GRID2: variants seen among roughly 807,000 people sequenced by gnomAD.
GRID2 encodes the protein glutamate ionotropic receptor delta type subunit 2.
GRID2 carries 33 observed loss-of-function variants against 114.8 expected under a neutral mutation model. That is an observed-to-expected ratio of 0.29 (90% CI 0.22 to 0.38). The LOEUF is 0.38. Ranked by LOEUF, GRID2 falls within the 10% of genes least tolerant of loss-of-function variation. The probability of loss-of-function intolerance (pLI) is 1.00; values close to 1 mark genes in which losing one functional copy is unlikely to be tolerated. For missense variants in GRID2, 1,184 were observed against 1,257.7 expected, an observed-to-expected ratio of 0.94 and a Z score of 0.89; for synonymous variants, 505 against 449.9, an observed-to-expected ratio of 1.12 and a Z score of -1.55.
intron 11 of GRID2, among the ~76,000 whole-genome samples, chr4:93,458,161 T>G (rs966572266): frequency 6.6e-6 from 1 of 152,168 alleles, no homozygotes; most frequent in South Asian, 2.1e-4. Context: ...TGACTATAAA[T>G]GCACAAGTGA....
intron 2 of GRID2, among the ~76,000 whole-genome samples, chr4:92,939,061 A>G (rs1357147431): frequency 2.0e-5 from 3 of 146,688 alleles, no homozygotes; most frequent in Non-Finnish European, 3.0e-5. Context: ...ATGATTTATA[A>G]TCTTTTGGGG....
At chr4:93,032,028 C>G (rs1422809526) in intron 2 of GRID2, among the ~76,000 whole-genome samples, 1 of 152,022 alleles carries the variant, frequency 6.6e-6, no homozygotes, top group Non-Finnish European at 1.5e-5. Flanking sequence ...GCACCAGCAA[C>G]CTATAATTTA....
At chr4:92,587,997 T>G (rs188046209) in intron 1 of GRID2, among the ~76,000 whole-genome samples, 4 of 152,318 alleles carry the variant, frequency 2.6e-5, no homozygotes, top group Non-Finnish European at 5.9e-5. Context: ...AATAGACATT[T>G]AGATTATCTG....
At chr4:92,497,155 T>C (rs577898486) in intron 1 of GRID2, among the ~76,000 whole-genome samples, 1 of 151,952 alleles carries the variant, frequency 6.6e-6, no homozygotes, top group South Asian at 2.1e-4. Flanking sequence ...AAAAAAATCT[T>C]TGAGACTTTG....
At chr4:92,414,688 G>A (rs1292787520) in intron 1 of GRID2, among the ~76,000 whole-genome samples, 1 of 152,068 alleles carries the variant, frequency 6.6e-6, no homozygotes, top group Non-Finnish European at 1.5e-5. Flanking sequence ...GATGTTGCCA[G>A]CAGTCATTTT....
At chr4:92,664,255 A>G (rs1023866136) in intron 2 of GRID2, among the ~76,000 whole-genome samples, 1 of 151,242 alleles carries the variant, frequency 6.6e-6, no homozygotes, top group African/African-American at 2.4e-5. Flanking sequence ...GTTTTGCTGC[A>G]TCCCATAGGT....
chr4:93,500,202 T>A (rs1440481133), intron 12 of GRID2, among the ~76,000 whole-genome samples: 1 of 152,018 alleles, frequency 6.6e-6, no homozygotes, highest in Non-Finnish European at 1.5e-5. Context: ...AATGACCTTG[T>A]CAGGATTCCA....
intron 13 of GRID2, among the ~76,000 whole-genome samples, chr4:93,557,450 A>G (rs910932619): frequency 1.3e-5 from 2 of 152,170 alleles, no homozygotes; most frequent in African/African-American, 4.8e-5. Flanking sequence ...GGTCTCTGAT[A>G]TTAAGAGACT....
At chr4:92,408,061 T>G (rs1231693029) in intron 1 of GRID2, among the ~76,000 whole-genome samples, 2 of 152,218 alleles carry the variant, frequency 1.3e-5, no homozygotes, top group African/African-American at 4.8e-5. Flanking sequence ...TGTCATAGTT[T>G]CAAGTCTTAC....
At chr4:93,747,351 A>G (rs1731929288) in intron 14 of GRID2, among the ~76,000 whole-genome samples, 1 of 152,260 alleles carries the variant, frequency 6.6e-6, no homozygotes, top group East Asian at 1.9e-4. Flanking sequence ...TAGACTCTAC[A>G]GATAACTCTC....
intron 1 of GRID2, among the ~76,000 whole-genome samples, chr4:92,520,928 A>G (rs1409485055): frequency 1.3e-5 from 2 of 151,968 alleles, no homozygotes; most frequent in Non-Finnish European, 2.9e-5. Flanking sequence ...TCACTAGAGG[A>G]AATAGTGAAT....
chr4:92,826,667 C>G (rs1292633348), intron 2 of GRID2, among the ~76,000 whole-genome samples: 1 of 152,064 alleles, frequency 6.6e-6, no homozygotes, highest in African/African-American at 2.4e-5. Context: ...TTACATTATT[C>G]TAGCTTTGAA....
chr4:92,686,800 A>G lies in GRID2; in HGVS notation c.244+96514A>G, dbSNP rs2149289193. ...GGATACTAATTGTGATATGAAAGACAAGTCCTCTTGTCAAAGCATTTTGTA... is the reference window on the plus strand; with the variant it reads ...GGATACTAATTGTGATATGAAAGACGAGTCCTCTTGTCAAAGCATTTTGTA... On this transcript the variant is annotated intron_variant, in intron 2 of 15. Coordinates refer to ENST00000282020, the MANE Select transcript of GRID2 (RefSeq NM_001510.4). 2.6e-5 allele frequency among the ~76,000 whole-genome samples: 4 copies of G among 152,244 alleles called. No homozygotes were observed. The Middle Eastern group carries it at 0.014, about 518-fold the overall frequency.
rs534089007 is a variant in GRID2, at chr4:92,919,869, C to T, written c.245-165126C>T. ...GAGTTCTGTAGATGTGTATTAGGTC[C>T]GCTTGGTGCAGAGCTGAGTTCAATT... On this transcript the variant is annotated intron_variant, in intron 2 of 15. Transcript: ENST00000282020. Among the ~76,000 whole-genome samples the T allele has an allele frequency of 1.5e-3, 226 of 152,176 alleles. 1 individual carries two copies. Among genetic ancestry groups the T allele is most frequent in the African/African-American group, 4.8e-3 (201 of 41,524 alleles).
chr4:93,271,727 G>A (rs1421799768), intron 8 of GRID2, among the ~76,000 whole-genome samples: 1 of 152,032 alleles, frequency 6.6e-6, no homozygotes, highest in Non-Finnish European at 1.5e-5. Flanking sequence ...AATTAACCCA[G>A]CAGAAAAAAT....
At position 93,325,632 on chromosome 4, in the gene GRID2, C is replaced by T. The variant is rs1461702571; in HGVS notation, c.1246-69975C>T. On this transcript the variant is annotated intron_variant, in intron 8 of 15. Coordinates refer to ENST00000282020, the MANE Select transcript of GRID2 (RefSeq NM_001510.4). ...TTTTTCATTACTAGAAGTTCTCCCT[C>T]TTATTCAGTTTCAATTATTCCTGGT... is the stretch of plus-strand genomic sequence containing the variant. Among the ~76,000 whole-genome samples the T allele has an allele frequency of 2.0e-5, 3 of 152,020 alleles. No homozygotes were observed. In the East Asian group the frequency reaches 5.8e-4, roughly 29 times the overall value.
intron 1 of GRID2, among the ~76,000 whole-genome samples, chr4:92,492,240 C>T (rs1239547618): frequency 6.6e-6 from 1 of 152,022 alleles, no homozygotes; most frequent in African/African-American, 2.4e-5. Flanking sequence ...AAGACTCTAC[C>T]GAACTGTCAA....
At chr4:92,558,313 T>A (rs1030284395) in intron 1 of GRID2, among the ~76,000 whole-genome samples, 4 of 152,172 alleles carry the variant, frequency 2.6e-5, no homozygotes, top group African/African-American at 9.7e-5. Context: ...AGGCTATTTT[T>A]TGAAAATGTC....
In GRID2 at chr4:92,464,582, A is replaced by G. The variant is rs548442041; in HGVS notation, c.89-125549A>G. The stretch of plus-strand genomic sequence containing the variant: ...AGTTTTAAGACTTTCAAAAATCCTT[A>G]AAAAAAGGTAATACATGACTTCAGT... On this transcript the variant is annotated intron_variant, in intron 1 of 15. Coordinates refer to ENST00000282020, the MANE Select transcript of GRID2 (RefSeq NM_001510.4). Among the ~76,000 whole-genome samples the G allele has an allele frequency of 2.0e-5, 3 of 152,176 alleles. No individual in the cohort carries two copies. In the South Asian group the frequency reaches 6.2e-4, roughly 32 times the overall value.
Sources: allele counts gnomAD v4.1 joint callset (sites outside exome capture counted in the v4.1 genomes callset), GRCh38; gene constraint gnomAD v4.1.1; transcripts MANE v1.5; gene names NCBI Gene and HGNC (gene_info 2026-07-23, HGNC 2026-07-21).